STS: variants seen among roughly 807,000 people sequenced by gnomAD.
The protein encoded by STS is steryl-sulfatase.
Under a neutral mutation model 26.8 loss-of-function variants are expected in STS, and 7 were observed. The observed-to-expected ratio is 0.26, with a 90% CI of 0.15 to 0.49. The LOEUF (loss-of-function observed/expected upper bound fraction) is 0.49. Among genes scored for constraint, STS ranks in the 20% least tolerant of loss-of-function variants. The pLI, the probability that STS is intolerant of heterozygous loss-of-function variation, is 0.98. For missense variants in STS, 434 were observed against 465.6 expected (o/e 0.93, Z 0.63); for synonymous variants, 199 against 189.4 (o/e 1.05, Z -0.42).
intron 8 of STS, among the ~76,000 whole-genome samples, chrX:7,322,680 T>G (rs749485510): frequency 2.1e-4 from 24 of 112,253 alleles, no homozygotes; most frequent in African/African-American, 7.8e-4. Flanking sequence ...GGATTACAGG[T>G]GTGAGCCATT....
At chrX:7,333,895 C>T in intron 9 of STS, 91 bp from the exon 10 acceptor site, 1 of 1,169,246 alleles carries the variant, frequency 8.6e-7, no homozygotes, top group Admixed American at 2.2e-5. Context: ...TTAATTACGA[C>T]TGGAGCTCCC....
chrX:7,191,658 G>A (rs758059752), intron 2 of STS, among the ~76,000 whole-genome samples: 16 of 111,732 alleles, frequency 1.4e-4, no homozygotes, highest in African/African-American at 4.9e-4. Context: ...TCCCCCTGGT[G>A]GAGGTGGGGT....
intron 1 of STS, among the ~76,000 whole-genome samples, chrX:7,166,767 G>A (rs1349125249): frequency 9.0e-6 from 1 of 111,619 alleles, no homozygotes; most frequent in African/African-American, 3.3e-5. Flanking sequence ...TATGTGGGAA[G>A]TTCATAGAAT....
At chrX:7,326,093 G>C (rs755356515) in intron 9 of STS, among the ~76,000 whole-genome samples, 25 of 111,020 alleles carry the variant, frequency 2.3e-4, no homozygotes, top group Non-Finnish European at 4.3e-4. Flanking sequence ...AGTTTCTCTG[G>C]CGCCTTGGGG....
intron 5 of STS, among the ~76,000 whole-genome samples, chrX:7,258,498 C>G (rs1421882683): frequency 9.0e-6 from 1 of 111,478 alleles, no homozygotes; most frequent in Non-Finnish European, 1.9e-5. Flanking sequence ...AAAATTATGT[C>G]AGAATTTGTC....
intron 10 of STS, among the ~76,000 whole-genome samples, chrX:7,340,207 T>A (rs886505565): frequency 9.0e-6 from 1 of 111,053 alleles, no homozygotes; most frequent in Non-Finnish European, 1.9e-5. Flanking sequence ...TACCGTTTCA[T>A]TGATTTTCTA....
chrX:7,202,754 T>C (rs1469023618), intron 2 of STS, among the ~76,000 whole-genome samples: 2 of 111,172 alleles, frequency 1.8e-5, no homozygotes, highest in African/African-American at 6.5e-5. Context: ...GGCATTGGCA[T>C]GGGAGTTGGT....
At chrX:7,236,402 A>AT (rs1384721218) in intron 2 of STS, among the ~76,000 whole-genome samples, 1 of 112,253 alleles carries the variant, frequency 8.9e-6, no homozygotes, top group Middle Eastern at 4.2e-3. Flanking sequence ...AGTTATGGTA[A>AT]TTTTACTAAA....
chrX:7,324,609 G>C (rs779695661), intron 8 of STS, among the ~76,000 whole-genome samples: 163 of 111,286 alleles, frequency 1.5e-3, no homozygotes, highest in African/African-American at 4.8e-3. Context: ...AGTCTGTTTT[G>C]TCAGTCTTAA....
In STS at chrX:7,177,675, G is replaced by C. The variant is rs1402956117; in HGVS notation, c.-133-13205G>C. Among the ~76,000 whole-genome samples the C allele has an allele frequency of 4.6e-5, 5 of 108,950 alleles. No individual in the cohort carries two copies. The East Asian group carries it at 1.4e-3, about 31-fold the overall frequency. The allele number at this position is 108,950 out of a possible 115,157, so 94.6% of individuals were successfully genotyped here. A position where few individuals can be genotyped will look rare whatever the true frequency, so the allele number is the denominator to read the frequency against. On this transcript the variant is annotated intron_variant, in intron 1 of 10. Transcript: ENST00000674429. ...TTACAAGCACATGCCACCACACCCGGCTAATTTTTGTATTTTTTTGGTAGA... is the reference window on the plus strand; with the variant it reads ...TTACAAGCACATGCCACCACACCCGCCTAATTTTTGTATTTTTTTGGTAGA...
intron 2 of STS, among the ~76,000 whole-genome samples, chrX:7,239,535 A>G (rs1373030406): frequency 2.7e-5 from 3 of 112,167 alleles, no homozygotes; most frequent in African/African-American, 9.7e-5. Context: ...CTAGTTATAA[A>G]AATGTTCCTT....
chrX:7,259,382 A>G lies in STS; in HGVS notation c.416A>G (p.Lys139Arg). Residue 139 changes from lysine (K) to arginine (R), a missense_variant, in exon 6 of 11, where the codon AAG (lysine) becomes AGG (arginine). Lys to Arg is a conservative substitution (Grantham distance 26). Coordinates refer to ENST00000674429, the MANE Select transcript of STS (RefSeq NM_001320752.2). ...CACCTTGGGATGAGCTGTCACAGCA[A>G]GACTGACTTCTGTCACCACCCTTTA... The part of the protein sequence containing the change: ...KWHLGMSCHS[K>R]TDFCHHPLHH... 8.3e-7 allele frequency: 1 copy of G among 1,211,564 alleles called. No homozygotes were observed. The highest frequency in any genetic ancestry group is 1.1e-6 in the Non-Finnish European group (1 of 895,352).
At chrX:7,248,558 A>C (rs1922994285) in intron 2 of STS, among the ~76,000 whole-genome samples, 1 of 112,419 alleles carries the variant, frequency 8.9e-6, no homozygotes, top group South Asian at 3.7e-4. Flanking sequence ...TATAAGGCCA[A>C]TGCAGGATAC....
intron 1 of STS, among the ~76,000 whole-genome samples, chrX:7,157,256 T>C (rs1933154298): frequency 8.9e-6 from 1 of 111,953 alleles, no homozygotes; most frequent in South Asian, 3.7e-4. Context: ...TTTGCTCATG[T>C]GACTGCTGCC....
intron 2 of STS, among the ~76,000 whole-genome samples, chrX:7,212,561 A>T (rs1241024803): frequency 8.9e-6 from 1 of 112,329 alleles, no homozygotes; most frequent in African/African-American, 3.2e-5. Context: ...GGGATTTTAT[A>T]CAATGCGTAC....
intron 8 of STS, among the ~76,000 whole-genome samples, chrX:7,320,053 T>TTA (rs1195502531): frequency 4.2e-5 from 4 of 95,376 alleles, no homozygotes; most frequent in Non-Finnish European, 6.1e-5. Flanking sequence ...TTATATATAT[T>TTA]TATATATATA....
intron 9 of STS, among the ~76,000 whole-genome samples, chrX:7,328,461 G>A (rs1927583978): frequency 9.0e-6 from 1 of 111,243 alleles, no homozygotes. Flanking sequence ...TTTTGTGTGT[G>A]GGTTTGTGTC....
intron 1 of STS, among the ~76,000 whole-genome samples, chrX:7,173,101 C>T (rs1933498728): frequency 1.8e-5 from 2 of 110,691 alleles, no homozygotes; most frequent in Admixed American, 1.9e-4. Context: ...CCTATCCTCC[C>T]CACACAGGCC....
At chrX:7,336,067 C>T (rs780129877) in intron 10 of STS, among the ~76,000 whole-genome samples, 1 of 111,592 alleles carries the variant, frequency 9.0e-6, no homozygotes, top group Non-Finnish European at 1.9e-5. Context: ...CAGTAATATT[C>T]CTATCACTAA....
Sources: gnomAD v4.1 joint callset for allele counts (sites outside exome capture counted in the v4.1 genomes callset) on GRCh38, gnomAD v4.1.1 for gene constraint, MANE v1.5 for transcripts, NCBI Gene and HGNC (gene_info 2026-07-23, HGNC 2026-07-21) for gene names.